The following TSPAN2 variants were observed in gnomAD, a reference collection of about 807,000 sequenced individuals.
The protein encoded by TSPAN2 is tetraspanin-2.
Under a neutral mutation model 33.3 loss-of-function variants are expected in TSPAN2, and 24 were observed. That is an observed-to-expected ratio of 0.72 (90% CI 0.52 to 1.01). The LOEUF is 1.01. TSPAN2 is among the 50% of genes least tolerant of loss of function. The probability of loss-of-function intolerance (pLI) is 0.00; values close to 1 mark genes in which losing one functional copy is unlikely to be tolerated. For synonymous variants in TSPAN2, 114 were observed against 104.5 expected (o/e 1.09, Z -0.56); for missense variants, 278 against 281.3 (o/e 0.99, Z 0.08).
chr1:115,057,662 A>C, intron 5 of TSPAN2, 54 bp from the exon 6 acceptor site: 1 of 1,566,214 alleles, frequency 6.4e-7, no homozygotes, highest in South Asian at 1.1e-5. Flanking sequence ...AGCAGCTACA[A>C]GTCTGGGCAC....
intron 5 of TSPAN2, 115 bp downstream of exon 5, chr1:115,058,768 T>A: frequency 1.1e-6 from 1 of 899,768 alleles, no homozygotes; most frequent in East Asian, 2.5e-5. Flanking sequence ...AAATAGGTGG[T>A]GCTACTTGGC....
At chr1:115,059,439 G>T (rs1447873558) in intron 4 of TSPAN2, among the ~76,000 whole-genome samples, 1 of 152,210 alleles carries the variant, frequency 6.6e-6, no homozygotes, top group Non-Finnish European at 1.5e-5. Context: ...CAGTTCCCAA[G>T]CCCAACTGGG....
intron 2 of TSPAN2, among the ~76,000 whole-genome samples, chr1:115,072,148 T>C (rs965953784): frequency 1.3e-5 from 2 of 152,074 alleles, no homozygotes; most frequent in Non-Finnish European, 2.9e-5. Context: ...TAGAATTAGG[T>C]CAACTAATCC....
At chr1:115,070,059 C>A (rs1219358461) in intron 2 of TSPAN2, among the ~76,000 whole-genome samples, 1 of 152,156 alleles carries the variant, frequency 6.6e-6, no homozygotes, top group African/African-American at 2.4e-5. Context: ...GAAACACAGA[C>A]TGAGGTTGCT....
At chr1:115,077,295 G>A (rs1240521178) in intron 1 of TSPAN2, among the ~76,000 whole-genome samples, 1 of 149,802 alleles carries the variant, frequency 6.7e-6, no homozygotes, top group Admixed American at 6.7e-5. Context: ...AAGGGCAAGA[G>A]TGTGCCAACT....
chr1:115,075,817 C>T (rs1343035740), intron 1 of TSPAN2, among the ~76,000 whole-genome samples: 1 of 152,180 alleles, frequency 6.6e-6, no homozygotes, highest in Non-Finnish European at 1.5e-5. Context: ...TAACATTGCA[C>T]CTCAGCCAAT....
At chr1:115,060,902 A>G (rs1647691704) in intron 3 of TSPAN2, among the ~76,000 whole-genome samples, 1 of 152,168 alleles carries the variant, frequency 6.6e-6, no homozygotes, top group African/African-American at 2.4e-5. Context: ...TAAATACTTG[A>G]CGAACACAAA....
intron 1 of TSPAN2, among the ~76,000 whole-genome samples, chr1:115,078,127 C>T (rs1474113508): frequency 2.0e-5 from 3 of 152,222 alleles, no homozygotes; most frequent in African/African-American, 4.8e-5. Flanking sequence ...TCTGTTCTTG[C>T]TGTTCCCTCC....
At chr1:115,066,625 T>C (rs1365148177) in intron 2 of TSPAN2, among the ~76,000 whole-genome samples, 2 of 152,248 alleles carry the variant, frequency 1.3e-5, no homozygotes, top group African/African-American at 4.8e-5. Context: ...GACGTGGTCA[T>C]CAATTTTAAT....
intron 7 of TSPAN2, among the ~76,000 whole-genome samples, chr1:115,052,668 T>C (rs1449708351): frequency 6.6e-6 from 1 of 152,204 alleles, no homozygotes; most frequent in Non-Finnish European, 1.5e-5. Context: ...TTTTGTACTT[T>C]AGAAGTACAG....
At chr1:115,074,056 T>C (rs1648297762) in intron 1 of TSPAN2, among the ~76,000 whole-genome samples, 1 of 152,150 alleles carries the variant, frequency 6.6e-6, no homozygotes, top group South Asian at 2.1e-4. Context: ...GCCTCCTAAT[T>C]CTGCTAGCCC....
intron 3 of TSPAN2, among the ~76,000 whole-genome samples, chr1:115,060,874 T>A (rs1346006012): frequency 6.6e-6 from 1 of 152,126 alleles, no homozygotes; most frequent in African/African-American, 2.4e-5. Flanking sequence ...GAACACCACC[T>A]GGCACCTACG....
At chr1:115,085,118 G>A (rs1316289328) in intron 1 of TSPAN2, among the ~76,000 whole-genome samples, 3 of 151,912 alleles carry the variant, frequency 2.0e-5, no homozygotes, top group Non-Finnish European at 2.9e-5. Flanking sequence ...GCTATGCAAC[G>A]TAGGAAAAAA....
intron 1 of TSPAN2, among the ~76,000 whole-genome samples, chr1:115,077,938 A>G (rs563232337): frequency 6.6e-6 from 1 of 152,338 alleles, no homozygotes; most frequent in African/African-American, 2.4e-5. Flanking sequence ...CCAAGAGCAA[A>G]TACCTGCTAT....
At chr1:115,055,896 G>T (rs1451682591) in intron 6 of TSPAN2, among the ~76,000 whole-genome samples, 2 of 152,168 alleles carry the variant, frequency 1.3e-5, no homozygotes, top group East Asian at 1.9e-4. Flanking sequence ...TTAAGGGTCT[G>T]TCCAGTGTTT....
At chr1:115,059,722 T>C (rs1031445662) in intron 4 of TSPAN2, among the ~76,000 whole-genome samples, 2 of 152,248 alleles carry the variant, frequency 1.3e-5, no homozygotes, top group Non-Finnish European at 2.9e-5. Flanking sequence ...TACTTCTGTA[T>C]GTAGCTGAAT....
At chr1:115,079,140 CACACA>C (rs1648525985) in intron 1 of TSPAN2, among the ~76,000 whole-genome samples, 3 of 41,138 alleles carry the variant, frequency 7.3e-5, no homozygotes, top group East Asian at 1.5e-3. Flanking sequence ...TATAGCGCCA[CACACA>C]CACACACACA....
intron 1 of TSPAN2, among the ~76,000 whole-genome samples, chr1:115,079,899 A>T (rs1364740903): frequency 6.6e-6 from 1 of 152,242 alleles, no homozygotes; most frequent in Non-Finnish European, 1.5e-5. Context: ...AATTCTCTGC[A>T]GTGATGGAAG....
At chr1:115,076,260 T>C (rs1290918194) in intron 1 of TSPAN2, among the ~76,000 whole-genome samples, 1 of 152,108 alleles carries the variant, frequency 6.6e-6, no homozygotes, top group Non-Finnish European at 1.5e-5. Context: ...ACCTCGATGC[T>C]GTGTTTGTTA....
Sources: allele counts gnomAD v4.1 joint callset (sites outside exome capture counted in the v4.1 genomes callset), GRCh38; gene constraint gnomAD v4.1.1; transcripts MANE v1.5; gene names NCBI Gene and HGNC (gene_info 2026-07-23, HGNC 2026-07-21).